SRPK2: variants seen among roughly 807,000 people sequenced by gnomAD.
SRPK2 encodes SRSF protein kinase 2.
In SRPK2, 21 loss-of-function variants were observed where a neutral mutation model predicts 90.8. The observed-to-expected ratio is 0.23, with a 90% confidence interval of 0.16 to 0.33. The LOEUF (loss-of-function observed/expected upper bound fraction) is 0.33. Among genes scored for constraint, SRPK2 ranks in the 10% least tolerant of loss-of-function variants. The pLI, the probability that SRPK2 is intolerant of heterozygous loss-of-function variation, is 1.00. For missense variants in SRPK2, 620 were observed against 869.0 expected (o/e 0.71, Z 3.60); for synonymous variants, 288 against 311.1 (o/e 0.93, Z 0.78).
chr7:105,138,035 T>C (rs1803140081), intron 11 of SRPK2, among the ~76,000 whole-genome samples: 1 of 152,132 alleles, frequency 6.6e-6, no homozygotes, highest in Non-Finnish European at 1.5e-5. Context: ...TCCCTAGAAT[T>C]TGCCAATATT....
chr7:105,313,156 T>TA, intron 2 of SRPK2, among the ~76,000 whole-genome samples: 1 of 152,198 alleles, frequency 6.6e-6, no homozygotes, highest in East Asian at 1.9e-4. Context: ...ATTTTTTTTT[T>TA]TTTAAATTAC....
intron 2 of SRPK2, among the ~76,000 whole-genome samples, chr7:105,215,209 A>C (rs1797312286): frequency 6.6e-6 from 1 of 152,338 alleles, no homozygotes; most frequent in Non-Finnish European, 1.5e-5. Context: ...AAAGTCCTAA[A>C]TATAAGAGCT....
chr7:105,375,400 G>C (rs1402548989), intron 2 of SRPK2, among the ~76,000 whole-genome samples: 2 of 152,174 alleles, frequency 1.3e-5, no homozygotes, highest in Admixed American at 6.6e-5. Context: ...AATGTAGTCA[G>C]GCCAAGCACA....
At chr7:105,167,895 G>T in intron 5 of SRPK2, 113 bp downstream of exon 5, 1 of 849,376 alleles carries the variant, frequency 1.2e-6, no homozygotes, top group Non-Finnish European at 1.8e-6. Flanking sequence ...ATAGGCATGA[G>T]CCACCGTGCC....
At chr7:105,284,917 C>A (rs1171911626) in intron 2 of SRPK2, among the ~76,000 whole-genome samples, 1 of 152,108 alleles carries the variant, frequency 6.6e-6, no homozygotes, top group African/African-American at 2.4e-5. Context: ...AATCTAAACT[C>A]GTTCTTCAAT....
chr7:105,288,053 A>C (rs1808403415), intron 2 of SRPK2, among the ~76,000 whole-genome samples: 1 of 152,196 alleles, frequency 6.6e-6, no homozygotes, highest in African/African-American at 2.4e-5. Flanking sequence ...TCAAGGTCAA[A>C]GCAATGCTCT....
chr7:105,347,035 C>A (rs1056426360), intron 2 of SRPK2, among the ~76,000 whole-genome samples: 2 of 150,178 alleles, frequency 1.3e-5, no homozygotes, highest in Admixed American at 6.7e-5. Flanking sequence ...ATTAATTTAT[C>A]TTTTACTTGG....
intron 2 of SRPK2, among the ~76,000 whole-genome samples, chr7:105,309,397 G>T (rs1811466899): frequency 6.6e-6 from 1 of 152,038 alleles, no homozygotes; most frequent in Admixed American, 6.6e-5. Flanking sequence ...AAGTATCCTA[G>T]GATAGTTATT....
chr7:105,250,094 T>C lies in SRPK2; in HGVS notation c.72-46309A>G, dbSNP rs377566665. Among the ~76,000 whole-genome samples, 9 of 152,104 alleles carry C rather than the reference T, an allele frequency of 5.9e-5. 1 individual carries two copies. The South Asian group carries it at 1.7e-3, about 28-fold the overall frequency. The stretch of plus-strand genomic sequence containing the variant: ...GCCTATAATCTCAGCCCTATGGGAG[T>C]CCGAGGGAGGTGGATCACCTAAGGT... On this transcript the variant is annotated intron_variant, in intron 2 of 15. Transcript: ENST00000393651.
chr7:105,322,400 G>C (rs1813038797), intron 2 of SRPK2, among the ~76,000 whole-genome samples: 1 of 152,202 alleles, frequency 6.6e-6, no homozygotes, highest in Non-Finnish European at 1.5e-5. Context: ...CTGGGCGACA[G>C]AGTGAGACTT....
intron 6 of SRPK2, among the ~76,000 whole-genome samples, chr7:105,166,339 G>A (rs1563016694): frequency 6.6e-6 from 1 of 152,050 alleles, no homozygotes. Flanking sequence ...AAGGAAATCT[G>A]TATTAAGAAG....
At position 105,254,410 on chromosome 7, in the gene SRPK2, C is replaced by G. The variant is rs77128513; in HGVS notation, c.72-50625G>C. Among the ~76,000 whole-genome samples, 382 of 152,284 alleles carry G rather than the reference C, an allele frequency of 2.5e-3. 3 individuals are homozygous for G. The South Asian group carries it at 0.039, about 15-fold the overall frequency. On this transcript the variant is annotated intron_variant, in intron 2 of 15. Transcript: ENST00000393651. ...TGTATCTTTCTGAAAAACAAACACTCCTTTATAAAGAGCCTTACAAATTGG... is the reference window on the plus strand; with the variant it reads ...TGTATCTTTCTGAAAAACAAACACTGCTTTATAAAGAGCCTTACAAATTGG...
chr7:105,122,877 C>G (rs955310748), intron 15 of SRPK2, among the ~76,000 whole-genome samples: 2 of 151,916 alleles, frequency 1.3e-5, no homozygotes, highest in African/African-American at 4.8e-5. Flanking sequence ...CATCTAGAGA[C>G]CAGTTTTTTT....
chr7:105,374,125 C>T (rs772465791), intron 2 of SRPK2, among the ~76,000 whole-genome samples: 57 of 151,200 alleles, frequency 3.8e-4, no homozygotes, highest in African/African-American at 1.1e-3. Context: ...CGGGGTTTCA[C>T]CATGTTGGCC....
At chr7:105,142,518 G>T in intron 10 of SRPK2, 28 bp from the exon 11 acceptor site, 2 of 1,577,652 alleles carry the variant, frequency 1.3e-6, no homozygotes, top group South Asian at 2.4e-5. Context: ...TCAAGAATTA[G>T]AACTTGTTAC....
intron 3 of SRPK2, among the ~76,000 whole-genome samples, chr7:105,190,880 C>CA (rs1338926486): frequency 6.6e-6 from 1 of 152,218 alleles, no homozygotes; most frequent in Non-Finnish European, 1.5e-5. Flanking sequence ...ACTGCGACTT[C>CA]ACTGTTTCTA....
intron 2 of SRPK2, among the ~76,000 whole-genome samples, chr7:105,222,770 CTAT>C (rs1563104026): frequency 2.6e-5 from 4 of 152,062 alleles, no homozygotes; most frequent in Non-Finnish European, 4.4e-5. Context: ...CAGCCATTTA[CTAT>C]AAAGTTCTGT....
chr7:105,140,161 T>C (rs1217768470), intron 11 of SRPK2, among the ~76,000 whole-genome samples: 2 of 152,106 alleles, frequency 1.3e-5, no homozygotes, highest in Non-Finnish European at 2.9e-5. Flanking sequence ...ACACAGTTTT[T>C]TTTCCCCTCC....
At chr7:105,167,293 G>A in intron 6 of SRPK2, 84 bp downstream of exon 6, 2 of 1,080,124 alleles carry the variant, frequency 1.9e-6, no homozygotes, top group African/African-American at 1.6e-5. Context: ...AGGTGATACA[G>A]CAGTAAACAG....
Sources: allele counts gnomAD v4.1 joint callset (sites outside exome capture counted in the v4.1 genomes callset), GRCh38; gene constraint gnomAD v4.1.1; transcripts MANE v1.5; gene names NCBI Gene and HGNC (gene_info 2026-07-23, HGNC 2026-07-21).